Variants in TREML1 observed in about 807,000 individuals in gnomAD.
TREML1 encodes the protein triggering receptor expressed on myeloid cells like 1.
TREML1 carries 27 observed loss-of-function variants against 22.8 expected under a neutral mutation model. The observed-to-expected ratio is 1.19, with a 90% CI of 0.87 to 1.64. TREML1 has a LOEUF of 1.64. Ranked by LOEUF, TREML1 falls within the 40% of genes most tolerant of loss-of-function variation. The pLI, the probability that TREML1 is intolerant of heterozygous loss-of-function variation, is 0.00. For synonymous variants in TREML1, 153 were observed against 161.9 expected, an observed-to-expected ratio of 0.94 and a Z score of 0.42; for missense variants, 356 against 382.0, an observed-to-expected ratio of 0.93 and a Z score of 0.57.
intron 2 of TREML1, among the ~76,000 whole-genome samples, chr6:41,153,389 C>A (rs1765323336): frequency 6.6e-6 from 1 of 151,110 alleles, no homozygotes; most frequent in East Asian, 1.9e-4. Context: ...CTGGAAGCTA[C>A]AAAAATTAAT....
chr6:41,153,831 C>T lies in TREML1; in HGVS notation c.303G>A (p.Glu101=), dbSNP rs753503830. The T allele has an allele frequency of 3.1e-6, 5 of 1,614,188 alleles. No homozygotes were observed. The highest frequency in any genetic ancestry group is 4.2e-6 in the Non-Finnish European group (5 of 1,179,998). Residue 101 remains glutamate (E), a synonymous_variant, in exon 2 of 6, where the codon GAG becomes GAA. Transcript: ENST00000426005. Reference sequence around the variant, plus strand: ...TGGCCCCATCCACCATGCAGCCATACTCGCCAGCATCCTCTTCCTGCAGGG... The same window carrying T: ...TGGCCCCATCCACCATGCAGCCATATTCGCCAGCATCCTCTTCCTGCAGGG... ...MVTLQEEDAG[E]YGCMVDGARG... is the part of the protein sequence containing the mutation.
At chr6:41,150,750 G>T in intron 4 of TREML1, 69 bp downstream of exon 4, 1 of 1,396,788 alleles carries the variant, frequency 7.2e-7, no homozygotes, top group Non-Finnish European at 1.0e-6. Flanking sequence ...TAGACTCCTG[G>T]CCTCATCTGC....
chr6:41,151,334 A>T lies in TREML1; in HGVS notation c.427T>A (p.Ser143Thr). The change falls in exon 3 of 6, where the codon TCA (serine) becomes ACA (threonine). Residue 143 changes from serine to threonine, a missense_variant. Coordinates refer to ENST00000426005, the MANE Select transcript of TREML1 (RefSeq NM_178174.4). The stretch of plus-strand genomic sequence containing the variant: ...GGGTTGGCACTGCCTGCAGGGTCTG[A>T]GAATGCGTTCTCAGCCAGACTGCCA... Reference protein sequence around the residue: ...KIGSLAENAFSDPAGSANPLE... With the variant: ...KIGSLAENAFTDPAGSANPLE... 1 of 1,614,160 alleles carries T rather than the reference A, an allele frequency of 6.2e-7. No homozygotes were observed. Among genetic ancestry groups the T allele is most frequent in the Non-Finnish European group, 8.5e-7 (1 of 1,180,036 alleles).
Position 41,151,196 on chromosome 6 carries a change from C to G in TREML1, c.479+86G>C. On this transcript the variant is annotated intron_variant, in intron 3 of 5. Transcript: ENST00000426005. ...AGGTGGGAAGAATCATAGGTTTTCC[C>G]CTTCGATTTAGTTTGGAGCTCTAAA... is the stretch of plus-strand genomic sequence containing the variant. 4 of 1,201,922 alleles carry G rather than the reference C, an allele frequency of 3.3e-6. No homozygotes were observed. The South Asian group carries it at 4.9e-5, about 15-fold the overall frequency. The allele number at this position is 1,201,922 out of a possible 1,614,324, so 74.5% of individuals were successfully genotyped here. A position where few individuals can be genotyped will look rare whatever the true frequency, so the allele number is the denominator to read the frequency against.
At chr6:41,150,571 A>G (rs1765218917) in intron 4 of TREML1, among the ~76,000 whole-genome samples, 1 of 151,420 alleles carries the variant, frequency 6.6e-6, no homozygotes, top group Non-Finnish European at 1.5e-5. Context: ...ACCTTCTCCA[A>G]TGCCTTTCCT....
At chr6:41,150,038 G>A in intron 5 of TREML1, 120 bp from the exon 6 acceptor site, 1 of 1,095,634 alleles carries the variant, frequency 9.1e-7, no homozygotes, top group South Asian at 1.6e-5. Flanking sequence ...TGGGCAAGAG[G>A]GCTTCATTGT....
At position 41,151,354 on chromosome 6, in the gene TREML1, C is replaced by T. The variant is rs775210593; in HGVS notation, c.407G>A (p.Ser136Asn). The change falls in exon 3 of 6, where the codon AGT becomes AAT. Residue 136 changes from serine to asparagine, a missense_variant. Coordinates refer to ENST00000426005, the MANE Select transcript of TREML1 (RefSeq NM_178174.4). ...GTCTGAGAATGCGTTCTCAGCCAGA[C>T]TGCCAATCTTATGGGTCTCTTCTTC... ...EEEEETHKIG[S>N]LAENAFSDPA... 20 of 1,614,090 alleles carry T rather than the reference C, an allele frequency of 1.2e-5. No homozygotes were observed. Among genetic ancestry groups the T allele is most frequent in the Non-Finnish European group, 1.5e-5 (18 of 1,180,048 alleles).
chr6:41,150,068 G>GT, intron 5 of TREML1, 150 bp from the exon 6 acceptor site: 1 of 1,030,876 alleles, frequency 9.7e-7, no homozygotes, highest in Non-Finnish European at 1.4e-6. Context: ...CAAGCCCCAA[G>GT]TTTCTCCCCA....
rs757901281 is a variant in TREML1, at chr6:41,153,847, T to A, written c.287A>T (p.Glu96Val). Residue 96 changes from glutamate to valine, a missense_variant, in exon 2 of 6, where the codon GAA (glutamate) becomes GTA (valine). Coordinates refer to ENST00000426005, the MANE Select transcript of TREML1 (RefSeq NM_178174.4). ...GCAGCCATACTCGCCAGCATCCTCT[T>A]CCTGCAGGGTAACCATTTCCACCTG... ...LLQVEMVTLQ[E>V]EDAGEYGCMV... is the part of the protein sequence containing the mutation. The A allele has an allele frequency of 6.2e-7, 1 of 1,614,034 alleles. No homozygotes were observed. Among genetic ancestry groups the A allele is most frequent in the African/African-American group, 1.3e-5 (1 of 74,922 alleles).
At chr6:41,150,741 A>G in intron 4 of TREML1, 78 bp downstream of exon 4, 4 of 1,317,788 alleles carry the variant, frequency 3.0e-6, no homozygotes, top group Non-Finnish European at 4.4e-6. Flanking sequence ...GATTGGACCT[A>G]GACTCCTGGC....
At chr6:41,155,375 T>TTCTCTC (rs3049085), upstream of TREML1, among the ~76,000 whole-genome samples, 894 of 136,820 alleles carry the variant, frequency 6.5e-3, 10 homozygotes, top group East Asian at 0.024. Flanking sequence ...GAGTAAACGT[T>TTCTCTC]TCTCTCTCTC....
chr6:41,152,908 C>G (rs1206465769), intron 2 of TREML1, among the ~76,000 whole-genome samples: 1 of 151,838 alleles, frequency 6.6e-6, no homozygotes, highest in Non-Finnish European at 1.5e-5. Context: ...AAATGCTCTA[C>G]TTAATTTTAT....
At chr6:41,149,315 T>C, downstream of TREML1, 1 of 320,670 alleles carries the variant, frequency 3.1e-6, no homozygotes, top group Non-Finnish European at 5.8e-6. Flanking sequence ...ACTTGGGCAG[T>C]TTCCTTTCCC....
At chr6:41,154,159 T>C in intron 1 of TREML1, 69 bp from the exon 2 acceptor site, 21 of 1,588,912 alleles carry the variant, frequency 1.3e-5, no homozygotes, top group Non-Finnish European at 1.8e-5. Context: ...GCTGCTGGTA[T>C]GGGTGTGGCA....
At chr6:41,154,207 C>A in intron 1 of TREML1, 39 bp downstream of exon 1, 1 of 1,606,670 alleles carries the variant, frequency 6.2e-7, no homozygotes. Flanking sequence ...TGGGGCTGAG[C>A]ATATGGGGCC....
chr6:41,150,773 T>C, intron 4 of TREML1, 46 bp downstream of exon 4: 1 of 1,551,804 alleles, frequency 6.4e-7, no homozygotes, highest in Non-Finnish European at 8.9e-7. Flanking sequence ...AACTGGTTGA[T>C]ACTGGAATGG....
chr6:41,151,397 G>C lies in TREML1; in HGVS notation c.377-13C>G. 3.1e-6 allele frequency: 5 copies of C among 1,611,200 alleles called. No homozygotes were observed. Among genetic ancestry groups the C allele is most frequent in the Non-Finnish European group, 4.2e-6 (5 of 1,177,326 alleles). ...TCTTCTTCTTCCTCTGTCAGGCCAGGAATGGAGTCAGAAGGAAACATTTAA... is the reference window on the plus strand; with the variant it reads ...TCTTCTTCTTCCTCTGTCAGGCCAGCAATGGAGTCAGAAGGAAACATTTAA... On this transcript the variant is annotated splice_polypyrimidine_tract_variant and intron_variant, in intron 2 of 5. Coordinates refer to ENST00000426005, the MANE Select transcript of TREML1 (RefSeq NM_178174.4).
Position 41,154,084 on chromosome 6 carries a change from C to T in TREML1, c.50G>A (p.Gly17Asp), listed in dbSNP as rs776980813. 2.5e-5 allele frequency: 40 copies of T among 1,609,838 alleles called. No homozygotes were observed. The highest frequency in any genetic ancestry group is 3.3e-5 in the Non-Finnish European group (39 of 1,177,698). ...LLLLLGLEGQ[G>D]IVGSLPEVLQ... The stretch of plus-strand genomic sequence containing the variant: ...CACCTCAGGGAGGCTGCCAACTATG[C>T]CCTGACCTGGGGAAGGAAAGGAGGT... The change falls in exon 2 of 6, where the codon GGC becomes GAC. Residue 17 changes from glycine to aspartate, a missense_variant. Physicochemically the swap from Gly to Asp is moderately conservative, Grantham distance 94. Coordinates refer to ENST00000426005, the MANE Select transcript of TREML1 (RefSeq NM_178174.4).
rs1316547280 is a variant in TREML1, at chr6:41,151,296, G to T, written c.465C>A (p.Ser155Arg). ...CCTGTCAGTACCTCTTCTCATCCTGGCTGGGTTCCAAAGGGTTGGCACTGC... is the reference window on the plus strand; with the variant it reads ...CCTGTCAGTACCTCTTCTCATCCTGTCTGGGTTCCAAAGGGTTGGCACTGC... ...PAGSANPLEP[S>R]QDEKSIPLIW... The change falls in exon 3 of 6, where the codon AGC (serine) becomes AGA (arginine). Residue 155 changes from serine to arginine, a missense_variant. By Grantham distance (110) the Ser-to-Arg change is moderately radical. Transcript: ENST00000426005. 1 of 1,614,102 alleles carries T rather than the reference G, an allele frequency of 6.2e-7. No homozygotes were observed.
Sources: allele counts gnomAD v4.1 joint callset (sites outside exome capture counted in the v4.1 genomes callset), GRCh38; gene constraint gnomAD v4.1.1; transcripts MANE v1.5; gene names NCBI Gene and HGNC (gene_info 2026-07-23, HGNC 2026-07-21).